Variants in TTC28 observed in about 807,000 individuals in gnomAD.
The protein encoded by TTC28 is tetratricopeptide repeat domain 28.
TTC28 carries 61 observed loss-of-function variants against 198.0 expected under a neutral mutation model. The ratio of observed to expected loss-of-function variants is 0.31; its 90% CI spans 0.25 to 0.38. TTC28 has a LOEUF of 0.38. Among genes scored for constraint, TTC28 ranks in the 10% least tolerant of loss-of-function variants. The pLI is 1.00. For missense variants in TTC28, 2,678 were observed against 3,164.0 expected, an observed-to-expected ratio of 0.85 and a Z score of 3.69; for synonymous variants, 1,171 against 1,297.8, an observed-to-expected ratio of 0.90 and a Z score of 2.10.
intron 2 of TTC28, among the ~76,000 whole-genome samples, chr22:28,391,068 C>G (rs1221180042): frequency 6.6e-6 from 1 of 152,024 alleles, no homozygotes; most frequent in East Asian, 1.9e-4. Flanking sequence ...ATTTGCTTGT[C>G]TGTAAAGGAT....
At chr22:28,311,970 G>A (rs1456964390) in intron 2 of TTC28, among the ~76,000 whole-genome samples, 4 of 150,806 alleles carry the variant, frequency 2.7e-5, no homozygotes, top group South Asian at 2.1e-4. Flanking sequence ...TCCATCTCAC[G>A]TGCAAAGATA....
At chr22:28,146,808 C>CT (rs147535637) in intron 6 of TTC28, among the ~76,000 whole-genome samples, 138 of 146,186 alleles carry the variant, frequency 9.4e-4, no homozygotes, top group South Asian at 3.9e-3. Context: ...AAATCCATTA[C>CT]TTTTTTTTTT....
At chr22:28,207,862 C>T (rs1047271294) in intron 5 of TTC28, among the ~76,000 whole-genome samples, 1 of 151,898 alleles carries the variant, frequency 6.6e-6, no homozygotes, top group East Asian at 1.9e-4. Flanking sequence ...TCTTCAGAAA[C>T]GGTGATAAAA....
intron 2 of TTC28, among the ~76,000 whole-genome samples, chr22:28,402,382 T>C (rs2046928024): frequency 6.6e-6 from 1 of 152,218 alleles, no homozygotes; most frequent in South Asian, 2.1e-4. Context: ...TGGTGGCACA[T>C]GCAATAAATA....
intron 5 of TTC28, among the ~76,000 whole-genome samples, chr22:28,222,808 G>A (rs937233718): frequency 1.3e-5 from 2 of 152,170 alleles, no homozygotes; most frequent in African/African-American, 2.4e-5. Context: ...CTAGAAACAA[G>A]GCCTGAGCCG....
In TTC28 at chr22:28,296,320, T is replaced by C. The variant is rs761807785; in HGVS notation, c.811A>G (p.Thr271Ala). Residue 271 changes from threonine (T) to alanine (A), a missense_variant, in exon 5 of 23, where the codon ACA becomes GCA. By Grantham distance (58) the Thr-to-Ala change is moderately conservative. Around this residue, in one of 8 missense-constraint regions of TTC28, gnomAD observed 775 missense variants for 845.9 expected, o/e 0.92. Coordinates refer to ENST00000397906, the MANE Select transcript of TTC28 (RefSeq NM_001145418.2). ...LDVAKTLGDQ[T>A]GECRAHGNLG... ...TTCCCATGAGCTCGGCATTCTCCTG[T>C]CTGGTCACCTGGATTGAATTGAGAA... The C allele has an allele frequency of 6.5e-7, 1 of 1,530,948 alleles. No individual in the cohort carries two copies. Among genetic ancestry groups the C allele is most frequent in the Non-Finnish European group, 8.8e-7 (1 of 1,140,040 alleles). The allele number at this position is 1,530,948 out of a possible 1,614,324, so 94.8% of individuals were successfully genotyped here.
At chr22:28,094,030 A>G (rs1185252530) in intron 12 of TTC28, 50 bp downstream of exon 12, 1 of 1,471,224 alleles carries the variant, frequency 6.8e-7, no homozygotes, top group Non-Finnish European at 9.0e-7. Flanking sequence ...ACAAAAAATA[A>G]TACCCTGAGA....
At chr22:28,153,171 A>T (rs1324569630) in intron 6 of TTC28, among the ~76,000 whole-genome samples, 1 of 151,982 alleles carries the variant, frequency 6.6e-6, no homozygotes, top group African/African-American at 2.4e-5. Context: ...AATATTTCTT[A>T]AACCCTTGAC....
rs143778146 is a variant in TTC28, at chr22:28,350,321, T to C, written c.382-43678A>G. On this transcript the variant is annotated intron_variant, in intron 2 of 22. Transcript: ENST00000397906. Reference sequence around the variant, plus strand: ...ACTGTATTGTGTATATGAATTAATATTGTAAGAAAATTTGGATCTTTATTC... The same window carrying C: ...ACTGTATTGTGTATATGAATTAATACTGTAAGAAAATTTGGATCTTTATTC... Among the ~76,000 whole-genome samples the C allele has an allele frequency of 1.6e-4, 25 of 152,328 alleles. No individual in the cohort carries two copies. In the East Asian group the frequency reaches 4.0e-3, roughly 25 times the overall value.
At chr22:28,458,604 G>C (rs1167910831) in intron 2 of TTC28, among the ~76,000 whole-genome samples, 1 of 152,136 alleles carries the variant, frequency 6.6e-6, no homozygotes, top group Non-Finnish European at 1.5e-5. Context: ...AAAATAGGCT[G>C]GGCATGGTGG....
At chr22:27,992,968 C>T (rs1422829129) in intron 18 of TTC28, 2 of 558,296 alleles carry the variant, frequency 3.6e-6, no homozygotes, top group Non-Finnish European at 6.3e-6. Context: ...GGCCGCACAG[C>T]TTCATCGGGG....
chr22:28,203,762 T>A (rs1022146511), intron 5 of TTC28, among the ~76,000 whole-genome samples: 2 of 152,142 alleles, frequency 1.3e-5, no homozygotes, highest in African/African-American at 4.8e-5. Context: ...TATCCATAAA[T>A]TTATTAAGTG....
intron 3 of TTC28, among the ~76,000 whole-genome samples, chr22:28,302,814 A>G (rs1459127542): frequency 6.6e-6 from 1 of 152,102 alleles, no homozygotes; most frequent in East Asian, 1.9e-4. Flanking sequence ...AGCTAGGATT[A>G]CAGGTGCCCG....
At chr22:28,475,256 G>T (rs530148037) in intron 2 of TTC28, among the ~76,000 whole-genome samples, 13 of 151,818 alleles carry the variant, frequency 8.6e-5, no homozygotes, top group Non-Finnish European at 1.6e-4. Flanking sequence ...GCTGCGGGTG[G>T]CCAGAGGCTA....
chr22:28,546,571 T>G lies in TTC28; in HGVS notation c.381+82981A>C, dbSNP rs990889992. ...GTACAAACACTATGGCAAACAATACTGTAGTTTCCTTGGAGTTACCATGTG... is the reference window on the plus strand; with the variant it reads ...GTACAAACACTATGGCAAACAATACGGTAGTTTCCTTGGAGTTACCATGTG... On this transcript the variant is annotated intron_variant, in intron 2 of 22. Coordinates refer to ENST00000397906, the MANE Select transcript of TTC28 (RefSeq NM_001145418.2). Among the ~76,000 whole-genome samples the G allele has an allele frequency of 2.0e-5, 3 of 152,216 alleles. No individual in the cohort carries two copies. The East Asian group carries it at 5.8e-4, about 29-fold the overall frequency.
intron 5 of TTC28, among the ~76,000 whole-genome samples, chr22:28,275,294 G>A (rs1932350447): frequency 6.6e-6 from 1 of 152,142 alleles, no homozygotes; most frequent in South Asian, 2.1e-4. Flanking sequence ...AAGGAGAGAA[G>A]GCCCTTAAAT....
chr22:28,109,147 G>A (rs1261208880), intron 6 of TTC28, among the ~76,000 whole-genome samples: 4 of 152,170 alleles, frequency 2.6e-5, no homozygotes, highest in South Asian at 2.1e-4. Flanking sequence ...AACAATACAC[G>A]TAACAACCTT....
chr22:28,555,237 T>A (rs976104449), intron 2 of TTC28, among the ~76,000 whole-genome samples: 2 of 152,228 alleles, frequency 1.3e-5, no homozygotes, highest in Admixed American at 1.3e-4. Flanking sequence ...ACTTTTACAC[T>A]GTTGGTGGGA....
chr22:28,636,414 C>G (rs1000487001), intron 1 of TTC28, among the ~76,000 whole-genome samples: 3 of 151,832 alleles, frequency 2.0e-5, no homozygotes, highest in Admixed American at 2.0e-4. Flanking sequence ...GGCTGGATTT[C>G]CTTAAGGTTG....
Sources: gnomAD v4.1 joint callset for allele counts (sites outside exome capture counted in the v4.1 genomes callset) on GRCh38, gnomAD v4.1.1 for gene constraint, gnomAD v4.1.1 regional missense constraint, MANE v1.5 for transcripts, NCBI Gene and HGNC (gene_info 2026-07-23, HGNC 2026-07-21) for gene names.